Variants in EPC2 observed in about 807,000 individuals in gnomAD.
EPC2 encodes the protein enhancer of polycomb homolog 2.
A neutral mutation model predicts 92.1 loss-of-function variants in EPC2; 14 were observed. That is an observed-to-expected ratio of 0.15 (90% CI 0.10 to 0.24). The LOEUF (loss-of-function observed/expected upper bound fraction) is 0.24. Among genes scored for constraint, EPC2 ranks in the 10% least tolerant of loss-of-function variants. The probability of loss-of-function intolerance (pLI) is 1.00; values close to 1 mark genes in which losing one functional copy is unlikely to be tolerated. For missense variants in EPC2, 755 were observed against 971.5 expected, an observed-to-expected ratio of 0.78 and a Z score of 2.96; for synonymous variants, 340 against 334.7, an observed-to-expected ratio of 1.02 and a Z score of -0.17.
intron 4 of EPC2, among the ~76,000 whole-genome samples, chr2:148,756,084 C>G (rs992085500): frequency 6.6e-6 from 1 of 152,134 alleles, no homozygotes; most frequent in African/African-American, 2.4e-5. Flanking sequence ...AATATGTTTT[C>G]TGCTTCTTTT....
At position 148,698,841 on chromosome 2, in the gene EPC2, T is replaced by TTA. The variant is rs1553445167; in HGVS notation, c.313+8468_313+8469insTA. Among the ~76,000 whole-genome samples the TTA allele has an allele frequency of 9.2e-3, 1,364 of 147,902 alleles. 7 individuals are homozygous for TTA. Among genetic ancestry groups the TTA allele is most frequent in the Non-Finnish European group, 0.013 (859 of 66,894 alleles). On this transcript the variant is annotated intron_variant, in intron 2 of 13. Transcript: ENST00000258484. Reference sequence around the variant, plus strand: ...TGTATTTTCTTCCCTTTTTTTTTTTTAAAAAAAAAGCATTATACTCTGTGT... The same window carrying TTA: ...TGTATTTTCTTCCCTTTTTTTTTTTTTAAAAAAAAAAGCATTATACTCTGTGT...
chr2:148,690,387 T>A lies in EPC2; in HGVS notation c.313+14T>A, dbSNP rs777196462. The A allele has an allele frequency of 6.4e-7, 1 of 1,562,770 alleles. No homozygotes were observed. Among genetic ancestry groups the A allele is most frequent in the South Asian group, 1.2e-5 (1 of 82,574 alleles). On this transcript the variant is annotated intron_variant, in intron 2 of 13. Transcript: ENST00000258484. ...TTCATATTCAGCGTAAGTTTGTTAATTCATTGTTTTCTGTTTGTACTTTAA... is the reference window on the plus strand; with the variant it reads ...TTCATATTCAGCGTAAGTTTGTTAAATCATTGTTTTCTGTTTGTACTTTAA...
At chr2:148,689,093 A>G (rs1359211711) in intron 1 of EPC2, among the ~76,000 whole-genome samples, 3 of 152,318 alleles carry the variant, frequency 2.0e-5, no homozygotes, top group African/African-American at 7.2e-5. Flanking sequence ...AAACAGCAAC[A>G]TCAGTGTGGC....
chr2:148,735,776 C>T (rs1016622383), intron 2 of EPC2, among the ~76,000 whole-genome samples: 2 of 151,836 alleles, frequency 1.3e-5, no homozygotes, highest in African/African-American at 2.4e-5. Flanking sequence ...AGAAAAACAT[C>T]GTTTTCTTAA....
intron 2 of EPC2, among the ~76,000 whole-genome samples, chr2:148,730,959 T>G (rs1479388836): frequency 9.2e-5 from 14 of 152,232 alleles, no homozygotes; most frequent in Admixed American, 6.5e-4. Flanking sequence ...AAAATGGATT[T>G]GTATCATATA....
intron 1 of EPC2, among the ~76,000 whole-genome samples, chr2:148,672,555 CA>C (rs1681176342): frequency 6.6e-6 from 1 of 152,142 alleles, no homozygotes; most frequent in Non-Finnish European, 1.5e-5. Flanking sequence ...ACAGTGGCAA[CA>C]GTCTAAAAAC....
chr2:148,726,772 T>G (rs979082110), intron 2 of EPC2, among the ~76,000 whole-genome samples: 7 of 150,252 alleles, frequency 4.7e-5, no homozygotes, highest in African/African-American at 7.3e-5. Flanking sequence ...TTTGTTTTTT[T>G]TTTTTTTGCG....
At chr2:148,760,138 G>T (rs1683274317) in intron 4 of EPC2, among the ~76,000 whole-genome samples, 1 of 152,038 alleles carries the variant, frequency 6.6e-6, no homozygotes, top group Non-Finnish European at 1.5e-5. Flanking sequence ...AGCTACTGAG[G>T]CTGAGGGAGG....
chr2:148,733,004 CA>C (rs1682674401), intron 2 of EPC2, among the ~76,000 whole-genome samples: 1 of 145,116 alleles, frequency 6.9e-6, no homozygotes, highest in African/African-American at 2.5e-5. Flanking sequence ...TTTAGGGACC[CA>C]GACACAAATT....
rs75118597 is a variant in EPC2 at position 148,728,365 on chromosome 2, A to G, written c.314-15257A>G. On this transcript the variant is annotated intron_variant, in intron 2 of 13. Transcript: ENST00000258484. The stretch of plus-strand genomic sequence containing the variant: ...AAAATTATCCTATATTAATATGTAC[A>G]TATGTTCTCATTCTTTTTTTTTTTA... 2.5e-3 allele frequency among the ~76,000 whole-genome samples: 380 copies of G among 150,924 alleles called. 15 individuals carry two copies. In the East Asian group the frequency reaches 0.067, roughly 27 times the overall value.
chr2:148,786,599 C>A lies in EPC2; in HGVS notation c.*222C>A. ...TGTATCATCAATATTATTTCTGTTA[C>A]TTGAATAGTAGATATTCATCATCAT... On this transcript the variant is annotated 3_prime_UTR_variant, in exon 14 of 14. Transcript: ENST00000258484. 2.5e-6 allele frequency: 1 copy of A among 398,924 alleles called. No individual in the cohort carries two copies. Among genetic ancestry groups the A allele is most frequent in the Non-Finnish European group, 4.5e-6 (1 of 220,256 alleles). 24.7% of individuals were successfully genotyped at this position (398,924 alleles called of 1,614,324 possible).
intron 1 of EPC2, among the ~76,000 whole-genome samples, chr2:148,653,419 T>TA (rs1284083443): frequency 7.2e-5 from 11 of 152,198 alleles, no homozygotes; most frequent in African/African-American, 2.2e-4. Context: ...GATTTTAACT[T>TA]AAAGTTGATC....
intron 1 of EPC2, among the ~76,000 whole-genome samples, chr2:148,666,888 G>T (rs1408196805): frequency 6.6e-6 from 1 of 150,914 alleles, no homozygotes. Context: ...TTTTTTTCCA[G>T]GCTCAGGAGG....
rs563862664 is a variant in EPC2 at position 148,717,328 on chromosome 2, T to G, written c.314-26294T>G. Among the ~76,000 whole-genome samples the G allele has an allele frequency of 2.0e-5, 3 of 152,136 alleles. No individual in the cohort carries two copies. In the South Asian group the frequency reaches 6.2e-4, roughly 32 times the overall value. ...TGGTCCTCTAGTTCTTTTAGCTGTG[T>G]TGTTAGGTTGTTAACTTCAGATCTT... On this transcript the variant is annotated intron_variant, in intron 2 of 13. Transcript: ENST00000258484.
intron 1 of EPC2, among the ~76,000 whole-genome samples, chr2:148,657,311 G>T (rs1463493377): frequency 6.6e-6 from 1 of 152,064 alleles, no homozygotes; most frequent in Non-Finnish European, 1.5e-5. Flanking sequence ...TACATTATAG[G>T]TGCTTGGTCA....
chr2:148,765,258 A>G, intron 7 of EPC2, 112 bp downstream of exon 7: 2 of 657,700 alleles, frequency 3.0e-6, no homozygotes, highest in Non-Finnish European at 2.4e-6. Context: ...CCCCTAATGT[A>G]TATAGCATAA....
chr2:148,662,075 A>G (rs988022086), intron 1 of EPC2, among the ~76,000 whole-genome samples: 7 of 152,244 alleles, frequency 4.6e-5, no homozygotes. Context: ...AATGCTCATC[A>G]TCACTGGCCA....
At chr2:148,673,705 T>C (rs1028693631) in intron 1 of EPC2, among the ~76,000 whole-genome samples, 9 of 152,126 alleles carry the variant, frequency 5.9e-5, no homozygotes, top group Admixed American at 5.9e-4. Flanking sequence ...TGCCTCAGCC[T>C]CCCAAGTATC....
chr2:148,772,561 A>C (rs1316048084), intron 10 of EPC2, among the ~76,000 whole-genome samples: 1 of 152,188 alleles, frequency 6.6e-6, no homozygotes, highest in Non-Finnish European at 1.5e-5. Flanking sequence ...TGACTCGTAC[A>C]GTGATTTGTT....
Sources: gnomAD v4.1 joint callset for allele counts (sites outside exome capture counted in the v4.1 genomes callset) on GRCh38, gnomAD v4.1.1 for gene constraint, MANE v1.5 for transcripts, NCBI Gene and HGNC (gene_info 2026-07-23, HGNC 2026-07-21) for gene names.